Variants in ACYP2 observed in about 807,000 individuals in gnomAD.
ACYP2 encodes the protein acylphosphatase-2.
ACYP2 carries 12 observed loss-of-function variants against 11.2 expected under a neutral mutation model. The ratio of observed to expected loss-of-function variants is 1.08; its 90% CI spans 0.69 to 1.74. The LOEUF is 1.74. Ranked by LOEUF, ACYP2 falls within the 40% of genes most tolerant of loss-of-function variation. ACYP2 has a pLI of 0.00. For missense variants in ACYP2, 134 were observed against 101.9 expected (o/e 1.31, Z -1.35); for synonymous variants, 43 against 32.2 (o/e 1.33, Z -1.13).
chr2:54,235,920 G>A (rs2103974914), intron 6 of ACYP2, among the ~76,000 whole-genome samples: 1 of 152,124 alleles, frequency 6.6e-6, no homozygotes, highest in South Asian at 2.1e-4. Context: ...GGTTATTTAA[G>A]CTTGCTTTCT....
chr2:54,039,123 A>C (rs1399702417), intron 2 of ACYP2, among the ~76,000 whole-genome samples: 2 of 151,682 alleles, frequency 1.3e-5, no homozygotes, highest in Non-Finnish European at 2.9e-5. Context: ...AAAGAAGTAG[A>C]GGGTGAGGTT....
At chr2:54,265,264 G>A (rs541312936) in intron 6 of ACYP2, among the ~76,000 whole-genome samples, 1 of 152,288 alleles carries the variant, frequency 6.6e-6, no homozygotes, top group East Asian at 1.9e-4. Flanking sequence ...GCAAGGAGGA[G>A]CAAGTCACAT....
chr2:54,054,760 A>C (rs1428319290), intron 3 of ACYP2, among the ~76,000 whole-genome samples: 1 of 152,260 alleles, frequency 6.6e-6, no homozygotes, highest in Admixed American at 6.5e-5. Context: ...AAGAAGGAAC[A>C]TATAACTCAT....
At chr2:54,085,146 T>TG (rs1677882954) in intron 4 of ACYP2, 1 of 152,246 alleles carries the variant, frequency 6.6e-6, no homozygotes, top group Non-Finnish European at 1.5e-5. Context: ...AATATATTCC[T>TG]GGTCAGGGCC....
At chr2:53,980,935 A>G (rs1671724737) in intron 2 of ACYP2, among the ~76,000 whole-genome samples, 1 of 151,984 alleles carries the variant, frequency 6.6e-6, no homozygotes, top group African/African-American at 2.4e-5. Context: ...TATTTTTTGT[A>G]GAAATGGGGT....
intron 6 of ACYP2, among the ~76,000 whole-genome samples, chr2:54,201,786 G>A (rs891388411): frequency 2.7e-5 from 4 of 149,866 alleles, no homozygotes; most frequent in African/African-American, 9.9e-5. Context: ...CTCAGTCACC[G>A]CAACCTCCAC....
intron 2 of ACYP2, among the ~76,000 whole-genome samples, chr2:53,990,597 CGA>C (rs1268781100): frequency 7.0e-6 from 1 of 142,046 alleles, no homozygotes; most frequent in Non-Finnish European, 1.5e-5. Flanking sequence ...TGCAGCGAGC[CGA>C]GATGGCACCA....
intron 2 of ACYP2, among the ~76,000 whole-genome samples, chr2:54,027,790 T>C (rs1674369218): frequency 6.6e-6 from 1 of 151,692 alleles, no homozygotes; most frequent in South Asian, 2.1e-4. Context: ...CAGAACCCCA[T>C]CTAGGATATC....
At chr2:54,261,943 T>C (rs1687798132) in intron 6 of ACYP2, among the ~76,000 whole-genome samples, 1 of 152,230 alleles carries the variant, frequency 6.6e-6, no homozygotes, top group Non-Finnish European at 1.5e-5. Context: ...GTCGTCTTTA[T>C]TGTATATAAA....
intron 3 of ACYP2, chr2:54,051,532 C>T (rs1339040631): frequency 5.5e-6 from 4 of 728,010 alleles, no homozygotes; most frequent in African/African-American, 5.3e-5. Flanking sequence ...CTGAGAATTG[C>T]CCAAAAATAA....
intron 6 of ACYP2, among the ~76,000 whole-genome samples, chr2:54,233,250 T>C (rs1686321469): frequency 1.3e-5 from 2 of 152,062 alleles, no homozygotes; most frequent in Admixed American, 1.3e-4. Context: ...TGTGTATACC[T>C]GTGAAACTAT....
chr2:54,258,276 C>T (rs1687642469), intron 6 of ACYP2, among the ~76,000 whole-genome samples: 1 of 152,100 alleles, frequency 6.6e-6, no homozygotes, highest in South Asian at 2.1e-4. Flanking sequence ...GAGGAAGCCT[C>T]ATTGAAAATA....
chr2:54,071,140 C>T (rs1179506784), intron 4 of ACYP2, among the ~76,000 whole-genome samples: 1 of 152,124 alleles, frequency 6.6e-6, no homozygotes, highest in African/African-American at 2.4e-5. Flanking sequence ...ATTTTCTCAA[C>T]TTAGAGAAAA....
At chr2:54,044,481 C>T (rs1363317061) in intron 2 of ACYP2, among the ~76,000 whole-genome samples, 2 of 151,510 alleles carry the variant, frequency 1.3e-5, no homozygotes, top group African/African-American at 2.4e-5. Flanking sequence ...TGGCACAGTG[C>T]CAGGCTGAGG....
At chr2:54,044,161 G>A (rs888112349) in intron 2 of ACYP2, among the ~76,000 whole-genome samples, 11 of 152,130 alleles carry the variant, frequency 7.2e-5, no homozygotes, top group African/African-American at 2.4e-4. Context: ...TAAACTGCAC[G>A]TCACAGTTAC....
chr2:54,257,080 A>C (rs2104030053), intron 6 of ACYP2, among the ~76,000 whole-genome samples: 1 of 152,238 alleles, frequency 6.6e-6, no homozygotes, highest in East Asian at 1.9e-4. Context: ...TGTTTAAGAA[A>C]TCTTACCTCT....
At chr2:54,250,041 CCT>C (rs1687144384) in intron 6 of ACYP2, among the ~76,000 whole-genome samples, 1 of 152,010 alleles carries the variant, frequency 6.6e-6, no homozygotes, top group Non-Finnish European at 1.5e-5. Flanking sequence ...GCCCCCAACC[CCT>C]GACATGTAGC....
At chr2:53,987,548 A>G (rs930012244) in intron 2 of ACYP2, among the ~76,000 whole-genome samples, 1 of 152,210 alleles carries the variant, frequency 6.6e-6, no homozygotes, top group African/African-American at 2.4e-5. Flanking sequence ...CATTTTGTAA[A>G]GAAAAAACTG....
intron 6 of ACYP2, among the ~76,000 whole-genome samples, chr2:54,162,147 C>T (rs1019700254): frequency 2.0e-5 from 3 of 152,088 alleles, no homozygotes; most frequent in African/African-American, 7.2e-5. Flanking sequence ...CAGTATTTAA[C>T]GAATGGGATA....
Sources: gnomAD v4.1 joint callset for allele counts (sites outside exome capture counted in the v4.1 genomes callset) on GRCh38, gnomAD v4.1.1 for gene constraint, MANE v1.5 for transcripts, NCBI Gene and HGNC (gene_info 2026-07-23, HGNC 2026-07-21) for gene names.